PPP4R3B: variants seen among roughly 807,000 people sequenced by gnomAD.
PPP4R3B encodes protein phosphatase 4 regulatory subunit 3B.
Under a neutral mutation model 95.4 loss-of-function variants are expected in PPP4R3B, and 52 were observed. That is an observed-to-expected ratio of 0.54 (90% confidence interval 0.44 to 0.69). PPP4R3B has a LOEUF of 0.69. PPP4R3B is among the 30% of genes least tolerant of loss of function. The probability of loss-of-function intolerance (pLI) is 0.00; values close to 1 mark genes in which losing one functional copy is unlikely to be tolerated. For synonymous variants in PPP4R3B, 407 were observed against 343.9 expected (o/e 1.18, Z -2.03); for missense variants, 1,003 against 1,005.9 (o/e 1.00, Z 0.04).
chr2:55,561,866 T>C (rs1465145539), intron 15 of PPP4R3B, among the ~76,000 whole-genome samples: 1 of 152,172 alleles, frequency 6.6e-6, no homozygotes, highest in Non-Finnish European at 1.5e-5. Flanking sequence ...ATATGAGACT[T>C]TGGACTTGGA....
intron 15 of PPP4R3B, 81 bp downstream of exon 15, chr2:55,564,232 A>G: frequency 7.7e-7 from 1 of 1,293,470 alleles, no homozygotes; most frequent in African/African-American, 1.5e-5. Flanking sequence ...TGTAAACTAT[A>G]AACAAACCTT....
chr2:55,615,878 A>AAAAAAAAAAAAAAAAAAAC (rs1380009176), intron 1 of PPP4R3B, among the ~76,000 whole-genome samples: 1 of 141,442 alleles, frequency 7.1e-6, no homozygotes, highest in African/African-American at 2.6e-5. Context: ...AAAAAAAAAA[A>AAAAAAAAAAAAAAAAAAAC]AAAATACACA....
At chr2:55,573,591 G>A (rs771021417) in intron 12 of PPP4R3B, 28 bp downstream of exon 12, 3 of 1,515,790 alleles carry the variant, frequency 2.0e-6, no homozygotes, top group Non-Finnish European at 2.6e-6. Context: ...TATTAAAAAT[G>A]TTGCTCCTTA....
At chr2:55,605,607 T>C (rs898632600) in intron 2 of PPP4R3B, among the ~76,000 whole-genome samples, 1 of 152,088 alleles carries the variant, frequency 6.6e-6, no homozygotes, top group Non-Finnish European at 1.5e-5. Context: ...CACTCCTTTG[T>C]CTAAAATCCT....
chr2:55,572,042 G>C (rs960197212), intron 12 of PPP4R3B, among the ~76,000 whole-genome samples: 5 of 152,194 alleles, frequency 3.3e-5, no homozygotes, highest in African/African-American at 4.8e-5. Flanking sequence ...GGAAAGGTAT[G>C]GTTGCCTTAA....
At chr2:55,572,987 A>G (rs929696652) in intron 12 of PPP4R3B, among the ~76,000 whole-genome samples, 1 of 152,210 alleles carries the variant, frequency 6.6e-6, no homozygotes, top group African/African-American at 2.4e-5. Context: ...ACACAAAAAA[A>G]TCCTCTATAC....
chr2:55,591,564 A>T (rs1268960370), intron 4 of PPP4R3B: 1 of 984,276 alleles, frequency 1.0e-6, no homozygotes, highest in Non-Finnish European at 1.2e-6. Context: ...TTACATCTTC[A>T]TCCTTTACTA....
intron 4 of PPP4R3B, 51 bp downstream of exon 4, chr2:55,598,365 G>C (rs765438063): frequency 2.6e-6 from 4 of 1,565,752 alleles, no homozygotes; most frequent in Non-Finnish European, 3.5e-6. Context: ...GAACTATTAA[G>C]GGAACTAAAT....
chr2:55,556,969 GGGA>G (rs1451205328), intron 16 of PPP4R3B, among the ~76,000 whole-genome samples: 3 of 152,126 alleles, frequency 2.0e-5, no homozygotes, highest in African/African-American at 7.2e-5. Flanking sequence ...AGGCTGAGGT[GGGA>G]GGATCAGTTG....
chr2:55,606,078 C>T (rs1329359338), intron 2 of PPP4R3B, among the ~76,000 whole-genome samples: 1 of 151,990 alleles, frequency 6.6e-6, no homozygotes, highest in African/African-American at 2.4e-5. Context: ...GGTTAAAACA[C>T]CAGGGTACCC....
chr2:55,563,297 G>A (rs1398595676), intron 15 of PPP4R3B, among the ~76,000 whole-genome samples: 1 of 152,238 alleles, frequency 6.6e-6, no homozygotes, highest in Admixed American at 6.5e-5. Flanking sequence ...TCTGAGAATT[G>A]TCTTTAGAAA....
At chr2:55,589,957 T>G (rs1424763584) in intron 4 of PPP4R3B, among the ~76,000 whole-genome samples, 2 of 139,762 alleles carry the variant, frequency 1.4e-5, no homozygotes, top group South Asian at 4.6e-4. Flanking sequence ...ATATATATAA[T>G]TATATATATA....
rs766870572 is a variant in PPP4R3B at position 55,558,808 on chromosome 2, G to C, written c.2421C>G (p.Thr807=). 2.2e-5 allele frequency: 36 copies of C among 1,612,186 alleles called. No homozygotes were observed. The highest frequency in any genetic ancestry group is 3.1e-5 in the Non-Finnish European group (36 of 1,178,904). ...CTGTTACTGACGTAGGCAAGTTTGT[G>C]GTTTTGGAAGAGGATCCATTAGAAG... The part of the protein sequence containing the change: ...PATSNGSSSK[T]TNLPTSVTAT... The change falls in exon 16 of 17, where the codon ACC becomes ACG. Residue 807 remains threonine (T), a synonymous_variant. Transcript: ENST00000616407.
chr2:55,601,455 A>T (rs1275623314), intron 3 of PPP4R3B, among the ~76,000 whole-genome samples: 3 of 150,356 alleles, frequency 2.0e-5, no homozygotes, highest in Non-Finnish European at 4.4e-5. Context: ...ATCTCGGCTC[A>T]CTGCAAGCTC....
chr2:55,581,779 G>A, intron 7 of PPP4R3B, 81 bp from the exon 8 acceptor site: 1 of 1,445,310 alleles, frequency 6.9e-7, no homozygotes, highest in South Asian at 1.3e-5. Context: ...AACTGAAAGA[G>A]CAAAGTGAGA....
At chr2:55,589,533 A>T (rs1380305382) in intron 4 of PPP4R3B, among the ~76,000 whole-genome samples, 1 of 152,220 alleles carries the variant, frequency 6.6e-6, no homozygotes, top group Non-Finnish European at 1.5e-5. Flanking sequence ...CACTACAATA[A>T]CTGCTTTTCA....
At chr2:55,584,937 T>G (rs7594279) in intron 7 of PPP4R3B, 114 bp downstream of exon 7, 393,819 of 833,018 alleles carry the variant, frequency 0.47, 98,121 homozygotes, top group Non-Finnish European at 0.52. Flanking sequence ...GTCAGAAATC[T>G]ATTATTTTGC....
At chr2:55,599,104 C>A in intron 3 of PPP4R3B, 65 bp from the exon 4 acceptor site, 1 of 1,418,480 alleles carries the variant, frequency 7.0e-7, no homozygotes, top group South Asian at 1.4e-5. Context: ...TTTTGGAAAT[C>A]AAATCATTTG....
rs1202629178 is a variant in PPP4R3B at position 55,592,194 on chromosome 2, G to A, written c.922-3238C>T. 2.0e-5 allele frequency among the ~76,000 whole-genome samples: 3 copies of A among 152,124 alleles called. No homozygotes were observed. In the East Asian group the frequency reaches 5.8e-4, roughly 29 times the overall value. ...GAAATTTAGAATTAAATCAGATTTT[G>A]CAACATTACAGAGACTGTCAAGTCC... is the stretch of plus-strand genomic sequence containing the variant. On this transcript the variant is annotated intron_variant, in intron 4 of 16. Transcript: ENST00000616407.
Sources: gnomAD v4.1 joint callset for allele counts (sites outside exome capture counted in the v4.1 genomes callset) on GRCh38, gnomAD v4.1.1 for gene constraint, MANE v1.5 for transcripts, NCBI Gene and HGNC (gene_info 2026-07-23, HGNC 2026-07-21) for gene names.